PDE11A: variants seen among roughly 807,000 people sequenced by gnomAD.
PDE11A encodes phosphodiesterase 11A.
In PDE11A, 100 loss-of-function variants were observed where a neutral mutation model predicts 100.5. The ratio of observed to expected loss-of-function variants is 1.00; its 90% CI spans 0.85 to 1.18. PDE11A has a LOEUF of 1.18. Among genes scored for constraint, PDE11A ranks in the 50% most tolerant of loss-of-function variants. The probability of loss-of-function intolerance (pLI) is 0.00; values close to 1 mark genes in which losing one functional copy is unlikely to be tolerated. For synonymous variants in PDE11A, 381 were observed against 420.8 expected, an observed-to-expected ratio of 0.91 and a Z score of 1.16; for missense variants, 1,141 against 1,152.6, an observed-to-expected ratio of 0.99 and a Z score of 0.15.
Position 177,940,615 on chromosome 2 carries a change from T to G in PDE11A, c.1072-35428A>C, listed in dbSNP as rs1262172453. On this transcript the variant is annotated intron_variant, in intron 2 of 19. Coordinates refer to ENST00000286063, the MANE Select transcript of PDE11A (RefSeq NM_016953.4). The stretch of plus-strand genomic sequence containing the variant: ...TTAGAAAACATATATTCTGGTAATT[T>G]TTAAAATACAAGCAATTCACTTTGC... 2.0e-5 allele frequency among the ~76,000 whole-genome samples: 3 copies of G among 152,206 alleles called. No homozygotes were observed. In the East Asian group the frequency reaches 5.8e-4, roughly 29 times the overall value.
intron 6 of PDE11A, among the ~76,000 whole-genome samples, chr2:177,832,442 G>A (rs113335459): frequency 3.9e-5 from 6 of 152,156 alleles, no homozygotes; most frequent in African/African-American, 7.2e-5. Flanking sequence ...CTCGAACATC[G>A]GTCTCCAAGT....
At chr2:177,722,152 T>C (rs1306944104) in intron 12 of PDE11A, among the ~76,000 whole-genome samples, 1 of 152,158 alleles carries the variant, frequency 6.6e-6, no homozygotes, top group African/African-American at 2.4e-5. Context: ...AAATCCTATA[T>C]TGTAACTAGG....
chr2:177,816,948 A>C, intron 8 of PDE11A, 27 bp from the exon 9 acceptor site: 1 of 1,370,360 alleles, frequency 7.3e-7, no homozygotes, highest in Non-Finnish European at 1.0e-6. Flanking sequence ...CTGCTAATTA[A>C]ACATTGCAGC....
At chr2:177,845,218 C>A (rs1214809857) in intron 5 of PDE11A, among the ~76,000 whole-genome samples, 3 of 151,758 alleles carry the variant, frequency 2.0e-5, no homozygotes, top group South Asian at 2.1e-4. Context: ...GGCGGAGACG[C>A]TCCTCACTTC....
At chr2:177,722,147 C>T (rs1388164522) in intron 12 of PDE11A, among the ~76,000 whole-genome samples, 1 of 152,074 alleles carries the variant, frequency 6.6e-6, no homozygotes, top group Non-Finnish European at 1.5e-5. Context: ...ATCAAAAATC[C>T]TATATTGTAA....
In PDE11A at chr2:177,681,613, T is replaced by C. The variant is rs756482742; in HGVS notation, c.2346-710A>G. 7.8e-4 allele frequency among the ~76,000 whole-genome samples: 119 copies of C among 152,326 alleles called. 2 individuals are homozygous for C. Among genetic ancestry groups the C allele is most frequent in the Middle Eastern group, 6.8e-3 (2 of 294 alleles). ...TCAACATTTTAAGTGCTTGACACTATAAACCAAAAATAAAATTCTAAGCCC... is the reference window on the plus strand; with the variant it reads ...TCAACATTTTAAGTGCTTGACACTACAAACCAAAAATAAAATTCTAAGCCC... On this transcript the variant is annotated intron_variant, in intron 15 of 19. Transcript: ENST00000286063.
At chr2:177,899,939 T>C (rs968522956) in intron 3 of PDE11A, among the ~76,000 whole-genome samples, 3 of 151,588 alleles carry the variant, frequency 2.0e-5, no homozygotes, top group African/African-American at 7.3e-5. Flanking sequence ...AGCAGACAAC[T>C]TAGAAAAAAA....
chr2:177,730,650 G>C (rs137939853), intron 10 of PDE11A, among the ~76,000 whole-genome samples: 208 of 151,902 alleles, frequency 1.4e-3, no homozygotes, highest in Non-Finnish European at 1.0e-3. Flanking sequence ...TTGTCGTCTG[G>C]ATATTCCTTT....
At chr2:177,955,461 C>G (rs1291719095) in intron 2 of PDE11A, among the ~76,000 whole-genome samples, 1 of 152,118 alleles carries the variant, frequency 6.6e-6, no homozygotes, top group Non-Finnish European at 1.5e-5. Flanking sequence ...ATAAATGAAG[C>G]TAGAGGTATA....
rs776100913 is a variant in PDE11A, at chr2:178,071,987, T to G, written c.451A>C (p.Ser151Arg). 1 of 1,614,038 alleles carries G rather than the reference T, an allele frequency of 6.2e-7. No individual in the cohort carries two copies. ...CGGAGAAGTGCCCTCCGTCGTACAC[T>G]ACTCAGGGGTTCCTGAGCCCGGGAG... ...VTSRAQEPLS[S>R]VRRRALLRKA... The change falls in exon 1 of 20, where the codon AGT becomes CGT. Residue 151 changes from serine (S) to arginine (R), a missense_variant. Coordinates refer to ENST00000286063, the MANE Select transcript of PDE11A (RefSeq NM_016953.4).
At chr2:178,071,481 C>A (rs373501983) in intron 1 of PDE11A, 45 bp downstream of exon 1, 1 of 1,612,480 alleles carries the variant, frequency 6.2e-7, no homozygotes, top group South Asian at 1.1e-5. Context: ...GCTTATCTCC[C>A]AAGCCAATGG....
At chr2:177,792,970 G>A (rs1434495947) in intron 9 of PDE11A, among the ~76,000 whole-genome samples, 1 of 152,192 alleles carries the variant, frequency 6.6e-6, no homozygotes, top group African/African-American at 2.4e-5. Context: ...GGAGTGGCAG[G>A]GAAGTTGGTT....
chr2:177,771,279 TTTAA>T (rs1254342356), intron 9 of PDE11A, among the ~76,000 whole-genome samples: 6 of 152,260 alleles, frequency 3.9e-5, no homozygotes, highest in African/African-American at 1.4e-4. Flanking sequence ...ATTTCCCAAA[TTTAA>T]TTAGCCACAG....
chr2:177,915,922 T>C (rs953039129), intron 2 of PDE11A, among the ~76,000 whole-genome samples: 1 of 152,210 alleles, frequency 6.6e-6, no homozygotes, highest in African/African-American at 2.4e-5. Flanking sequence ...CTTCATGTCC[T>C]CACTCCCTGT....
At chr2:177,789,346 T>C (rs1050870713) in intron 9 of PDE11A, among the ~76,000 whole-genome samples, 1 of 152,116 alleles carries the variant, frequency 6.6e-6, no homozygotes, top group African/African-American at 2.4e-5. Context: ...CAATGCTTCA[T>C]GCTAAAAACT....
Position 178,071,561 on chromosome 2 carries a change from G to A in PDE11A, c.877C>T (p.His293Tyr), listed in dbSNP as rs1367303842. ...TCAGGAATGTTGACCGTTTCTCCATGCTCCCCGACATAGCCAATGATACCT... is the reference window on the plus strand; with the variant it reads ...TCAGGAATGTTGACCGTTTCTCCATACTCCCCGACATAGCCAATGATACCT... ...GKGIIGYVGE[H>Y]GETVNIPDAY... is the part of the protein sequence containing the mutation. The change falls in exon 1 of 20, where the codon CAT (histidine) becomes TAT (tyrosine). Residue 293 changes from histidine (H) to tyrosine (Y), a missense_variant. Transcript: ENST00000286063. 1 of 1,612,476 alleles carries A rather than the reference G, an allele frequency of 6.2e-7. No homozygotes were observed. Among genetic ancestry groups the A allele is most frequent in the East Asian group, 2.2e-5 (1 of 44,886 alleles).
intron 2 of PDE11A, among the ~76,000 whole-genome samples, chr2:178,088,469 T>C (rs1041910535): frequency 6.6e-6 from 1 of 152,200 alleles, no homozygotes; most frequent in Non-Finnish European, 1.5e-5. Flanking sequence ...CACTCACTAG[T>C]CTAAAAAAAT....
In PDE11A at chr2:177,651,087, C is replaced by G. The variant is rs557458875; in HGVS notation, c.2646+12779G>C. ...GTTTTCACATCTGAAATAAAAAGAT[C>G]CTCATAGCATCTAACTTGGTATTGT... On this transcript the variant is annotated intron_variant, in intron 19 of 19. Coordinates refer to ENST00000286063, the MANE Select transcript of PDE11A (RefSeq NM_016953.4). Among the ~76,000 whole-genome samples the G allele has an allele frequency of 1.6e-4, 25 of 152,248 alleles. No individual in the cohort carries two copies. The East Asian group carries it at 4.4e-3, about 27-fold the overall frequency.
chr2:178,050,649 G>C (rs1303089111), intron 1 of PDE11A, among the ~76,000 whole-genome samples: 1 of 152,224 alleles, frequency 6.6e-6, no homozygotes, highest in East Asian at 1.9e-4. Flanking sequence ...AAACAGTGTA[G>C]AGAAGACCTT....
Sources: allele counts gnomAD v4.1 joint callset (sites outside exome capture counted in the v4.1 genomes callset), GRCh38; gene constraint gnomAD v4.1.1; transcripts MANE v1.5; gene names NCBI Gene and HGNC (gene_info 2026-07-23, HGNC 2026-07-21).